Variants in AMY2B observed in about 807,000 individuals in gnomAD.
AMY2B encodes the protein amylase alpha 2B.
A neutral mutation model predicts 59.3 loss-of-function variants in AMY2B; 63 were observed. The ratio of observed to expected loss-of-function variants is 1.06; its 90% CI spans 0.87 to 1.31. AMY2B has a LOEUF of 1.31. Ranked by LOEUF, AMY2B falls within the 50% of genes most tolerant of loss-of-function variation. The pLI is 0.00. For synonymous variants in AMY2B, 180 were observed against 198.1 expected (o/e 0.91, Z 0.77); for missense variants, 635 against 626.7 (o/e 1.01, Z -0.14).
chr1:103,557,344 G>T (rs1173884111), intron 1 of AMY2B, among the ~76,000 whole-genome samples: 2 of 152,074 alleles, frequency 1.3e-5, no homozygotes, highest in Non-Finnish European at 2.9e-5. Context: ...TATTTAAAAG[G>T]TTATCAATTA....
upstream of AMY2B, among the ~76,000 whole-genome samples, chr1:103,567,582 T>C (rs1334529469): frequency 6.6e-6 from 1 of 152,208 alleles, no homozygotes; most frequent in East Asian, 1.9e-4. Context: ...CTCACCTCTT[T>C]CCTGGACCAC....
chr1:103,556,697 A>G (rs1651563651), intron 1 of AMY2B, among the ~76,000 whole-genome samples: 1 of 152,170 alleles, frequency 6.6e-6, no homozygotes, highest in Non-Finnish European at 1.5e-5. Context: ...GGAGTAGCAT[A>G]GAGGCAAGGT....
chr1:103,561,340 T>C (rs1360527146), intron 1 of AMY2B, among the ~76,000 whole-genome samples: 1 of 152,168 alleles, frequency 6.6e-6, no homozygotes. Context: ...CAGTCTCGGC[T>C]CACTGCAACC....
chr1:103,559,626 ACATT>A (rs1383156142), intron 1 of AMY2B, among the ~76,000 whole-genome samples: 1 of 152,208 alleles, frequency 6.6e-6, no homozygotes, highest in Non-Finnish European at 1.5e-5. Context: ...AGAACTGGAA[ACATT>A]CAATAAGAAA....
upstream of AMY2B, chr1:103,571,015 G>A (rs1652108714): frequency 2.6e-6 from 1 of 383,232 alleles, no homozygotes; most frequent in Non-Finnish European, 4.5e-6. Flanking sequence ...TCTGATCTGT[G>A]CAGGGTATTA....
chr1:103,559,855 A>G (rs1340533030), intron 1 of AMY2B, among the ~76,000 whole-genome samples: 5 of 152,170 alleles, frequency 3.3e-5, no homozygotes, highest in Admixed American at 6.5e-5. Context: ...AAAAACTGAC[A>G]GGTTTGTAAG....
chr1:103,558,817 A>G (rs1248361512), intron 1 of AMY2B, among the ~76,000 whole-genome samples: 2 of 151,460 alleles, frequency 1.3e-5, no homozygotes, highest in African/African-American at 4.8e-5. Context: ...CTCTCTTCCC[A>G]TCCTCCTTAC....
upstream of AMY2B, among the ~76,000 whole-genome samples, chr1:103,567,837 A>T (rs2101067625): frequency 6.6e-6 from 1 of 152,076 alleles, no homozygotes; most frequent in South Asian, 2.1e-4. Context: ...ATTTCTTTTT[A>T]ATGTGTCTTA....
chr1:103,556,309 C>T (rs1372605578), intron 1 of AMY2B, among the ~76,000 whole-genome samples: 1 of 151,908 alleles, frequency 6.6e-6, no homozygotes, highest in Non-Finnish European at 1.5e-5. Context: ...TTGAGATTTC[C>T]CTAGGTGAAT....
At chr1:103,571,171 A>T (rs532271939), upstream of AMY2B, 8 of 837,704 alleles carry the variant, frequency 9.5e-6, no homozygotes, top group East Asian at 6.3e-4. Flanking sequence ...TGTCTGCCAG[A>T]ACACCATGGG....
chr1:103,566,009 A>AAT (rs1182762461), intron 2 of AMY2B, among the ~76,000 whole-genome samples: 1 of 152,118 alleles, frequency 6.6e-6, no homozygotes, highest in Non-Finnish European at 1.5e-5. Flanking sequence ...GAGTGTCCCC[A>AAT]ATATACCTTT....
chr1:103,559,544 T>C (rs543631847), intron 1 of AMY2B, among the ~76,000 whole-genome samples: 49 of 152,294 alleles, frequency 3.2e-4, no homozygotes, highest in African/African-American at 1.1e-3. Context: ...AGATTTACAC[T>C]GGGAAGCCTT....
chr1:103,563,642 T>A (rs1651810302), intron 1 of AMY2B, among the ~76,000 whole-genome samples: 1 of 152,136 alleles, frequency 6.6e-6, no homozygotes, highest in South Asian at 2.1e-4. Context: ...TATGTGTGTC[T>A]AACTCTACCT....
intron 2 of AMY2B, 101 bp from the exon 3 acceptor site, chr1:103,572,962 A>G: frequency 6.3e-7 from 1 of 1,595,038 alleles, no homozygotes; most frequent in East Asian, 2.2e-5. Flanking sequence ...ATATCATGAA[A>G]TATTTTGGAG....
chr1:103,564,195 AAT>A (rs1445335882), intron 1 of AMY2B, among the ~76,000 whole-genome samples: 10 of 152,286 alleles, frequency 6.6e-5, no homozygotes, highest in Non-Finnish European at 1.2e-4. Context: ...TTTTCTAGTT[AAT>A]AGATACATTT....
chr1:103,579,245 A>G (rs1476774485), intron 9 of AMY2B, 66 bp from the exon 10 acceptor site: 3 of 1,610,728 alleles, frequency 1.9e-6, no homozygotes, highest in East Asian at 2.2e-5. Context: ...TATGCTGTTT[A>G]GTTGTGTTAG....
At chr1:103,562,861 C>G (rs1270813543) in intron 1 of AMY2B, among the ~76,000 whole-genome samples, 1 of 151,850 alleles carries the variant, frequency 6.6e-6, no homozygotes, top group Non-Finnish European at 1.5e-5. Context: ...AACAATAGAG[C>G]TCTTTCATTT....
chr1:103,562,953 G>T (rs1651781400), intron 1 of AMY2B, among the ~76,000 whole-genome samples: 1 of 151,882 alleles, frequency 6.6e-6, no homozygotes, highest in Admixed American at 6.6e-5. Context: ...TGTCAAGAGG[G>T]ATACTGAGTT....
intron 1 of AMY2B, among the ~76,000 whole-genome samples, chr1:103,564,101 C>A (rs1415289941): frequency 6.6e-6 from 1 of 152,106 alleles, no homozygotes; most frequent in Non-Finnish European, 1.5e-5. Flanking sequence ...CCATATTGAG[C>A]TTTTACCATA....
Sources: allele counts gnomAD v4.1 joint callset (sites outside exome capture counted in the v4.1 genomes callset), GRCh38; gene constraint gnomAD v4.1.1; transcripts MANE v1.5; gene names NCBI Gene and HGNC (gene_info 2026-07-23, HGNC 2026-07-21).